RTN4: variants seen among roughly 807,000 people sequenced by gnomAD.
The protein encoded by RTN4 is reticulon 4.
A neutral mutation model predicts 90.4 loss-of-function variants in RTN4; 32 were observed. The observed-to-expected ratio is 0.35, with a 90% CI of 0.27 to 0.48. The LOEUF (loss-of-function observed/expected upper bound fraction) is 0.48, where lower values mean the gene tolerates loss of function less well. Ranked by LOEUF, RTN4 falls within the 20% of genes least tolerant of loss-of-function variation. The pLI is 0.99. For missense variants in RTN4, 1,706 were observed against 1,430.2 expected, an observed-to-expected ratio of 1.19 and a Z score of -3.11; for synonymous variants, 629 against 552.5, an observed-to-expected ratio of 1.14 and a Z score of -1.94.
chr2:55,125,193 G>C, the RTN4 span, among the ~76,000 whole-genome samples: 2 of 152,158 alleles, frequency 1.3e-5, no homozygotes, highest in African/African-American at 4.8e-5. Context: ...CTGGACATAG[G>C]AATGGGCAAA....
chr2:55,101,286 T>C (rs1667848612), intron 1 of RTN4, among the ~76,000 whole-genome samples: 1 of 152,110 alleles, frequency 6.6e-6, no homozygotes, highest in South Asian at 2.1e-4. Flanking sequence ...CTTATTACTT[T>C]TCCAATCAGA....
At chr2:54,988,536 G>T (rs933178822) in intron 3 of RTN4, among the ~76,000 whole-genome samples, 1 of 151,892 alleles carries the variant, frequency 6.6e-6, no homozygotes, top group East Asian at 1.9e-4. Flanking sequence ...ATTTTTTTGT[G>T]CTAGTAATAA....
chr2:55,026,577 T>C lies in RTN4; in HGVS notation c.1522A>G (p.Lys508Glu), dbSNP rs112462695. ...TTTGATGTTTTGGTGCTAGTATTCT[T>C]CTCTGTTACTATTTGGGCCTTCTTT... is the stretch of plus-strand genomic sequence containing the variant. Reference protein sequence around the residue: ...EEKKAQIVTEKNTSTKTSNPF... With the variant: ...EEKKAQIVTEENTSTKTSNPF... Residue 508 changes from lysine (K) to glutamate (E), a missense_variant, in exon 3 of 9, where the codon AAG (lysine) becomes GAG (glutamate). Transcript: ENST00000337526. 1.2e-6 allele frequency: 2 copies of C among 1,613,064 alleles called. No individual in the cohort carries two copies. Among genetic ancestry groups the C allele is most frequent in the African/African-American group, 1.3e-5 (1 of 75,016 alleles).
chr2:55,084,236 C>A (rs1668793892), intron 1 of RTN4, among the ~76,000 whole-genome samples: 1 of 152,062 alleles, frequency 6.6e-6, no homozygotes, highest in Non-Finnish European at 1.5e-5. Context: ...AAGCTCACAA[C>A]CCCTTCCCCA....
chr2:55,086,500 A>G (rs1238224056), intron 1 of RTN4, among the ~76,000 whole-genome samples: 1 of 2,512 alleles, frequency 4.0e-4, no homozygotes, highest in Non-Finnish European at 1.2e-3. Flanking sequence ...ATCTCTACAA[A>G]AAAAAAAAAA....
chr2:55,131,871 G>A, the RTN4 span, among the ~76,000 whole-genome samples: 5 of 152,214 alleles, frequency 3.3e-5, no homozygotes, highest in East Asian at 1.9e-4. Flanking sequence ...GCAACAGAGC[G>A]AGACTCCATT....
intron 1 of RTN4, among the ~76,000 whole-genome samples, chr2:55,090,870 C>T (rs1050866863): frequency 3.6e-4 from 55 of 152,212 alleles, no homozygotes; most frequent in African/African-American, 1.3e-3. Context: ...GCTCAAGCCC[C>T]AAATCTACGA....
chr2:55,122,446 C>T, the RTN4 span, among the ~76,000 whole-genome samples: 1 of 152,226 alleles, frequency 6.6e-6, no homozygotes, highest in African/African-American at 2.4e-5. Context: ...GTCATTTGCA[C>T]AAGCCCAAGG....
the RTN4 span, among the ~76,000 whole-genome samples, chr2:55,131,984 AC>A: frequency 3.0e-3 from 454 of 152,350 alleles, 2 homozygotes; most frequent in Middle Eastern, 0.014. Flanking sequence ...CTAATGGTAT[AC>A]CATGTTTTAT....
intron 3 of RTN4, among the ~76,000 whole-genome samples, chr2:54,993,074 G>GAAAAA (rs1491430691): frequency 6.3e-5 from 5 of 78,986 alleles, no homozygotes; most frequent in Admixed American, 2.6e-4. Context: ...ACTCCATCTC[G>GAAAAA]GAAAAAAAAA....
chr2:54,996,032 CA>C (rs1245864915), intron 3 of RTN4, among the ~76,000 whole-genome samples: 1 of 151,996 alleles, frequency 6.6e-6, no homozygotes, highest in Non-Finnish European at 1.5e-5. Flanking sequence ...CTGTAGGACA[CA>C]ATATCAATAT....
rs200336343 is a variant in RTN4, at chr2:54,972,189, T to G, written c.*967A>C. On this transcript the variant is annotated 3_prime_UTR_variant, in exon 9 of 9. Transcript: ENST00000337526. ...CATGAAATGAAAATACCAAAGCATA[T>G]TTTAAGTCTATAAGCTTTATTGATA... The G allele has an allele frequency of 6.5e-6, 1 of 152,680 alleles. No individual in the cohort carries two copies. Among genetic ancestry groups the G allele is most frequent in the African/African-American group, 2.4e-5 (1 of 41,458 alleles). 9.5% of individuals were successfully genotyped at this position (152,680 alleles called of 1,614,324 possible).
chr2:55,119,298 C>CTA, the RTN4 span, among the ~76,000 whole-genome samples: 1 of 152,198 alleles, frequency 6.6e-6, no homozygotes, highest in Admixed American at 6.5e-5. Flanking sequence ...ACACTGGGAG[C>CTA]TATAGTCTAT....
At chr2:55,111,595 C>T (rs2968779) in intron 1 of RTN4, among the ~76,000 whole-genome samples, 3,768 of 152,262 alleles carry the variant, frequency 0.025, 73 homozygotes, top group Non-Finnish European at 0.038. Flanking sequence ...GCACCTCCCA[C>T]CCTCTGCTGG....
intron 3 of RTN4, among the ~76,000 whole-genome samples, chr2:55,015,004 A>G (rs147865932): frequency 2.0e-5 from 3 of 152,308 alleles, no homozygotes; most frequent in African/African-American, 7.2e-5. Context: ...AATATTCAAA[A>G]TTGTTTATAA....
intron 1 of RTN4, among the ~76,000 whole-genome samples, chr2:55,091,889 A>G (rs1355212986): frequency 6.6e-6 from 1 of 152,086 alleles, no homozygotes; most frequent in Non-Finnish European, 1.5e-5. Context: ...TAAATCCATC[A>G]GCTCTCGTGA....
chr2:55,131,751 G>A, the RTN4 span, among the ~76,000 whole-genome samples: 2 of 152,066 alleles, frequency 1.3e-5, no homozygotes, highest in Non-Finnish European at 2.9e-5. Flanking sequence ...GGGCGTGGTG[G>A]TGTGCACCTG....
intron 1 of RTN4, among the ~76,000 whole-genome samples, chr2:55,109,331 T>A (rs1190742245): frequency 6.6e-6 from 1 of 152,124 alleles, no homozygotes; most frequent in Non-Finnish European, 1.5e-5. Flanking sequence ...TAAAGAAATG[T>A]CAATGCTGAT....
chr2:55,132,829 ATT>A, the RTN4 span, among the ~76,000 whole-genome samples: 6 of 145,008 alleles, frequency 4.1e-5, no homozygotes, highest in Non-Finnish European at 9.1e-5. Context: ...AAAAAAAAAA[ATT>A]GAAAATTAAA....
Sources: allele counts gnomAD v4.1 joint callset (sites outside exome capture counted in the v4.1 genomes callset), GRCh38; gene constraint gnomAD v4.1.1; transcripts MANE v1.5; gene names NCBI Gene and HGNC (gene_info 2026-07-23, HGNC 2026-07-21).